IFIT1B: variants seen among roughly 807,000 people sequenced by gnomAD.
IFIT1B encodes the protein interferon induced protein with tetratricopeptide repeats 1B, also known as protein IFIT1 homolog B.
In IFIT1B, 3 loss-of-function variants were observed where a neutral mutation model predicts 2.5. That is an observed-to-expected ratio of 1.21 (90% CI 0.55 to 3.14). IFIT1B has a LOEUF of 3.14. IFIT1B is among the 30% of genes most tolerant of loss of function. The pLI is 0.03. For synonymous variants in IFIT1B, 196 were observed against 203.0 expected, an observed-to-expected ratio of 0.97 and a Z score of 0.29; for missense variants, 545 against 556.5, an observed-to-expected ratio of 0.98 and a Z score of 0.21.
rs932106007 is a variant in IFIT1B at position 89,383,393 on chromosome 10, T to C, written c.80T>C (p.Ile27Thr). The change falls in exon 2 of 2, where the codon ATT (isoleucine) becomes ACT (threonine). Residue 27 changes from isoleucine (I) to threonine (T), a missense_variant. Transcript: ENST00000371809. ...TGTCACTTTACATGGAAGTTGTTAA[T>C]TGAAGCCCCTGAAATTCCTGATTTA... ...LRCHFTWKLL[I>T]EAPEIPDLEN... 3.7e-6 allele frequency: 6 copies of C among 1,614,106 alleles called. No homozygotes were observed. The highest frequency in any genetic ancestry group is 1.3e-5 in the African/African-American group (1 of 74,936).
chr10:89,384,967 T>G lies in IFIT1B; in HGVS notation c.*229T>G, dbSNP rs917801790. 1 of 498,672 alleles carries G rather than the reference T, an allele frequency of 2.0e-6. No individual in the cohort carries two copies. Among genetic ancestry groups the G allele is most frequent in the African/African-American group, 1.9e-5 (1 of 52,408 alleles). The allele number at this position is 498,672 out of a possible 1,614,324, so 30.9% of individuals were successfully genotyped here. On this transcript the variant is annotated 3_prime_UTR_variant, in exon 2 of 2. Coordinates refer to ENST00000371809, the MANE Select transcript of IFIT1B (RefSeq NM_001010987.2). ...GACATAAGACCCCCTGAAAGTATCATCCCTCCTGATGGAATGGTAAAGCAA... is the reference window on the plus strand; with the variant it reads ...GACATAAGACCCCCTGAAAGTATCAGCCCTCCTGATGGAATGGTAAAGCAA...
chr10:89,381,961 G>A (rs1464111885), intron 1 of IFIT1B, among the ~76,000 whole-genome samples: 2 of 151,810 alleles, frequency 1.3e-5, no homozygotes, highest in African/African-American at 2.4e-5. Flanking sequence ...GTAGAGATGG[G>A]GTTTCACCAT....
In IFIT1B at chr10:89,384,196, T is replaced by C; in HGVS notation, c.883T>C (p.Tyr295His). 6.2e-7 allele frequency: 1 copy of C among 1,614,122 alleles called. No homozygotes were observed. Among genetic ancestry groups the C allele is most frequent in the Non-Finnish European group, 8.5e-7 (1 of 1,179,996 alleles). The change falls in exon 2 of 2, where the codon TAC becomes CAC. Residue 295 changes from tyrosine to histidine, a missense_variant. Transcript: ENST00000371809. ...AFLHHQMGLC[Y>H]RAQMIQIKEA... ...CCTGCATCACCAAATGGGGCTTTGC[T>C]ACAGGGCACAAATGATCCAAATCAA...
In IFIT1B at chr10:89,383,835, C is replaced by T. The variant is rs750985695; in HGVS notation, c.522C>T (p.Asn174=). ...AGGCTCTGGAAGGGAACCCTGAAAA[C>T]CCTGAATTCAATACTGGGTACGCAA... ...FEKALEGNPE[N]PEFNTGYAIT... is the part of the protein sequence containing the mutation. The change falls in exon 2 of 2, where the codon AAC becomes AAT. Residue 174 remains asparagine (N), a synonymous_variant. Coordinates refer to ENST00000371809, the MANE Select transcript of IFIT1B (RefSeq NM_001010987.2). 5.0e-6 allele frequency: 8 copies of T among 1,614,084 alleles called. No individual in the cohort carries two copies. The highest frequency in any genetic ancestry group is 5.9e-6 in the Non-Finnish European group (7 of 1,180,056).
rs368737743 is a variant in IFIT1B at position 89,383,424 on chromosome 10, C to T, written c.111C>T (p.Asn37=). 1.9e-6 allele frequency: 3 copies of T among 1,614,068 alleles called. No homozygotes were observed. In the African/African-American group the frequency reaches 4.0e-5, roughly 22 times the overall value. ...IEAPEIPDLE[N]RIWEEIQFLD... is the part of the protein sequence containing the mutation. ...CCCCTGAAATTCCTGATTTAGAAAA[C>T]AGGATCTGGGAAGAGATTCAGTTCC... The change falls in exon 2 of 2, where the codon AAC becomes AAT. Residue 37 remains asparagine (N), a synonymous_variant. Coordinates refer to ENST00000371809, the MANE Select transcript of IFIT1B (RefSeq NM_001010987.2).
chr10:89,383,227 T>C, intron 1 of IFIT1B, 92 bp from the exon 2 acceptor site: 2 of 1,103,782 alleles, frequency 1.8e-6, no homozygotes, highest in South Asian at 1.5e-5. Context: ...GAAATTAGGA[T>C]AGAGCATATT....
intron 1 of IFIT1B, among the ~76,000 whole-genome samples, chr10:89,379,788 A>G (rs564112103): frequency 3.4e-4 from 52 of 152,266 alleles, no homozygotes; most frequent in Non-Finnish European, 5.6e-4. Flanking sequence ...TAATCCCAGC[A>G]CTTTGGGAGG....
rs1844193976 is a variant in IFIT1B, at chr10:89,384,829, T to C, written c.*91T>C. 8.5e-7 allele frequency: 1 copy of C among 1,182,026 alleles called. No homozygotes were observed. The highest frequency in any genetic ancestry group is 1.5e-5 in the South Asian group (1 of 65,396). The allele number at this position is 1,182,026 out of a possible 1,614,324, so 73.2% of individuals were successfully genotyped here. On this transcript the variant is annotated 3_prime_UTR_variant, in exon 2 of 2. Transcript: ENST00000371809. ...ATGCAAACTTAAAGCTGTTGGAAAT[T>C]TACCTTATTTTGAGCCTTGAGAGGA...
intron 1 of IFIT1B, among the ~76,000 whole-genome samples, chr10:89,382,531 T>C (rs1938588097): frequency 6.6e-6 from 1 of 152,222 alleles, no homozygotes; most frequent in African/African-American, 2.4e-5. Context: ...TTACTACAAT[T>C]GTTGAGATTT....
At chr10:89,380,016 C>T (rs1190082560) in intron 1 of IFIT1B, among the ~76,000 whole-genome samples, 1 of 146,656 alleles carries the variant, frequency 6.8e-6, no homozygotes, top group Non-Finnish European at 1.5e-5. Flanking sequence ...GCCTGGGCAA[C>T]AGAGTGAGAC....
At position 89,383,545 on chromosome 10, in the gene IFIT1B, G is replaced by T; in HGVS notation, c.232G>T (p.Ala78Ser). Residue 78 changes from alanine (A) to serine (S), a missense_variant, in exon 2 of 2, where the codon GCT becomes TCT. Transcript: ENST00000371809. ...NEEALVSLKK[A>S]EDLIQKEHAN... ...GGAAGCCCTGGTCAGCTTGAAAAAG[G>T]CTGAAGACTTAATTCAGAAAGAACA... 1 of 1,614,192 alleles carries T rather than the reference G, an allele frequency of 6.2e-7. No individual in the cohort carries two copies. The highest frequency in any genetic ancestry group is 8.5e-7 in the Non-Finnish European group (1 of 1,180,044).
In IFIT1B at chr10:89,384,289, AT is replaced by A. The variant is rs1589628571; in HGVS notation, c.977del (p.Ile326AsnfsTer8). Reference protein sequence around the residue: ...ETVDRLVQLAICKFEKTIMLK... With the variant: ...ETVDRLVQLAXCKFEKTIMLK... ...TGTGGACAGATTGGTTCAATTGGCTATATGCAAATTTGAAAAGACTATAATG... is the reference window on the plus strand; with the variant it reads ...TGTGGACAGATTGGTTCAATTGGCTAATGCAAATTTGAAAAGACTATAATG... On this transcript the variant is annotated frameshift_variant, in exon 2 of 2. Transcript: ENST00000371809. LOFTEE classifies it low-confidence loss of function (END_TRUNC). 6.2e-7 allele frequency: 1 copy of A among 1,614,078 alleles called. No homozygotes were observed. The highest frequency in any genetic ancestry group is 1.3e-5 in the African/African-American group (1 of 74,940).
Position 89,384,064 on chromosome 10 carries a change from G to A in IFIT1B, c.751G>A (p.Ala251Thr), listed in dbSNP as rs1062962. The part of the protein sequence containing the change: ...EEALTSISSQ[A>T]YVFQYAAKFY... ...AGCTCTGACCAGTATATCTTCACAGGCCTATGTCTTTCAATATGCAGCCAA... is the reference window on the plus strand; with the variant it reads ...AGCTCTGACCAGTATATCTTCACAGACCTATGTCTTTCAATATGCAGCCAA... The change falls in exon 2 of 2, where the codon GCC becomes ACC. Residue 251 changes from alanine (A) to threonine (T), a missense_variant. Physicochemically the swap from Ala to Thr is moderately conservative, Grantham distance 58. Coordinates refer to ENST00000371809, the MANE Select transcript of IFIT1B (RefSeq NM_001010987.2). 6.2e-7 allele frequency: 1 copy of A among 1,614,188 alleles called. No individual in the cohort carries two copies. The highest frequency in any genetic ancestry group is 8.5e-7 in the Non-Finnish European group (1 of 1,180,046).
intron 1 of IFIT1B, among the ~76,000 whole-genome samples, chr10:89,382,478 C>T (rs749484173): frequency 1.3e-5 from 2 of 152,204 alleles, no homozygotes; most frequent in Non-Finnish European, 2.9e-5. Context: ...TCTGGTCCCA[C>T]TGACTTCATA....
chr10:89,378,261 G>T, intron 1 of IFIT1B, 121 bp downstream of exon 1: 1 of 927,780 alleles, frequency 1.1e-6, no homozygotes, highest in South Asian at 1.4e-5. Flanking sequence ...TGGTGGTTCT[G>T]ACCCTGATAG....
rs1844200040 is a variant in IFIT1B at position 89,384,986 on chromosome 10, A to T, written c.*248A>T. 2 of 453,566 alleles carry T rather than the reference A, an allele frequency of 4.4e-6. No homozygotes were observed. The highest frequency in any genetic ancestry group is 3.9e-5 in the African/African-American group (2 of 51,280). 28.1% of individuals were successfully genotyped at this position (453,566 alleles called of 1,614,324 possible). ...GTATCATCCCTCCTGATGGAATGGT[A>T]AAGCAATCTTTCTTGGAACATAGCA... is the stretch of plus-strand genomic sequence containing the variant. On this transcript the variant is annotated 3_prime_UTR_variant, in exon 2 of 2. Coordinates refer to ENST00000371809, the MANE Select transcript of IFIT1B (RefSeq NM_001010987.2).
chr10:89,383,463 C>T lies in IFIT1B; in HGVS notation c.150C>T (p.Tyr50=). 1 of 1,614,186 alleles carries T rather than the reference C, an allele frequency of 6.2e-7. No individual in the cohort carries two copies. The highest frequency in any genetic ancestry group is 1.3e-5 in the African/African-American group (1 of 75,034). ...AGATTCAGTTCCTGGACACCAAATACAATGTGGGAATACACAACCTACTAG... is the reference window on the plus strand; with the variant it reads ...AGATTCAGTTCCTGGACACCAAATATAATGTGGGAATACACAACCTACTAG... The part of the protein sequence containing the change: ...WEEIQFLDTK[Y]NVGIHNLLAY... The change falls in exon 2 of 2, where the codon TAC becomes TAT. Residue 50 remains tyrosine, a synonymous_variant. Coordinates refer to ENST00000371809, the MANE Select transcript of IFIT1B (RefSeq NM_001010987.2).
intron 1 of IFIT1B, among the ~76,000 whole-genome samples, chr10:89,378,617 C>G (rs532034372): frequency 6.6e-6 from 1 of 152,242 alleles, no homozygotes; most frequent in Admixed American, 6.5e-5. Flanking sequence ...CTGGTGCTCC[C>G]CAGTGGGCCA....
At chr10:89,380,125 T>C (rs1377348310) in intron 1 of IFIT1B, among the ~76,000 whole-genome samples, 4 of 152,104 alleles carry the variant, frequency 2.6e-5, no homozygotes, top group African/African-American at 9.7e-5. Context: ...CCTTGGTAGC[T>C]AGTCTATGTG....
Sources: gnomAD v4.1 joint callset for allele counts (sites outside exome capture counted in the v4.1 genomes callset) on GRCh38, gnomAD v4.1.1 for gene constraint, MANE v1.5 for transcripts, NCBI Gene and HGNC (gene_info 2026-07-23, HGNC 2026-07-21) for gene names.